The following ARHGAP6 variants were observed in gnomAD, a reference collection of about 807,000 sequenced individuals.
The protein encoded by ARHGAP6 is Rho GTPase activating protein 6.
ARHGAP6 carries 16 observed loss-of-function variants against 55.7 expected under a neutral mutation model. The ratio of observed to expected loss-of-function variants is 0.29; its 90% CI spans 0.19 to 0.44. The LOEUF is 0.44. Ranked by LOEUF, ARHGAP6 falls within the 20% of genes least tolerant of loss-of-function variation. The pLI, the probability that ARHGAP6 is intolerant of heterozygous loss-of-function variation, is 1.00. For synonymous variants in ARHGAP6, 382 were observed against 360.9 expected, an observed-to-expected ratio of 1.06 and a Z score of -0.66; for missense variants, 698 against 808.9, an observed-to-expected ratio of 0.86 and a Z score of 1.66.
chrX:11,578,065 G>T (rs981960754), intron 1 of ARHGAP6, among the ~76,000 whole-genome samples: 2 of 111,437 alleles, frequency 1.8e-5, no homozygotes, highest in African/African-American at 6.5e-5. Flanking sequence ...GAAGGAAAGG[G>T]GAAGAAAGGA....
At chrX:11,361,696 C>A (rs1479551236) in intron 1 of ARHGAP6, among the ~76,000 whole-genome samples, 3 of 111,201 alleles carry the variant, frequency 2.7e-5, no homozygotes, top group African/African-American at 6.5e-5. Flanking sequence ...GCAAAAGAAA[C>A]TACCATCAGA....
chrX:11,557,884 T>C (rs747989881), intron 1 of ARHGAP6, among the ~76,000 whole-genome samples: 1 of 112,277 alleles, frequency 8.9e-6, no homozygotes, highest in Non-Finnish European at 1.9e-5. Flanking sequence ...TGCAGGCTAA[T>C]GTGGCCTCCA....
In ARHGAP6 at chrX:11,282,871, A is replaced by G. The variant is rs182413987; in HGVS notation, c.589-28164T>C. Among the ~76,000 whole-genome samples the G allele has an allele frequency of 2.2e-3, 248 of 112,473 alleles. 4 individuals are homozygous for G. The highest frequency in any genetic ancestry group is 3.8e-3 in the Admixed American group (40 of 10,654). ...AAATTGATGTTATAAATGAAGCCAG[A>G]GGCGACACTTCAGTAAGCATTATGT... On this transcript the variant is annotated intron_variant, in intron 1 of 12. Transcript: ENST00000337414.
intron 1 of ARHGAP6, among the ~76,000 whole-genome samples, chrX:11,422,978 G>T (rs895951607): frequency 2.7e-5 from 3 of 112,041 alleles, no homozygotes; most frequent in Non-Finnish European, 3.8e-5. Context: ...TGCCAGGTTG[G>T]GGGTGGGAGT....
intron 1 of ARHGAP6, among the ~76,000 whole-genome samples, chrX:11,398,650 T>C (rs2049510714): frequency 8.9e-6 from 1 of 111,987 alleles, no homozygotes; most frequent in African/African-American, 3.2e-5. Flanking sequence ...TTAAGCACAA[T>C]ATGTTTTAAT....
At chrX:11,363,355 C>T (rs1045471459) in intron 1 of ARHGAP6, among the ~76,000 whole-genome samples, 7 of 112,293 alleles carry the variant, frequency 6.2e-5, no homozygotes, top group African/African-American at 2.3e-4. Flanking sequence ...TCCCAGTTTG[C>T]GTGACTCCCC....
chrX:11,302,900 A>G (rs1360129682), intron 1 of ARHGAP6, among the ~76,000 whole-genome samples: 4 of 111,904 alleles, frequency 3.6e-5, no homozygotes, highest in Non-Finnish European at 5.6e-5. Flanking sequence ...TCAACTCCAC[A>G]CAAAATAAAA....
At chrX:11,469,453 A>C (rs1018753223) in intron 1 of ARHGAP6, among the ~76,000 whole-genome samples, 6 of 112,492 alleles carry the variant, frequency 5.3e-5, no homozygotes, top group African/African-American at 1.9e-4. Context: ...AAATGTGTGC[A>C]TACCTACATA....
intron 4 of ARHGAP6, among the ~76,000 whole-genome samples, chrX:11,186,646 GGC>G (rs1261885998): frequency 8.9e-6 from 1 of 111,955 alleles, no homozygotes; most frequent in Non-Finnish European, 1.9e-5. Flanking sequence ...TCAAGCTAAT[GGC>G]AGTTACAATT....
chrX:11,376,007 G>T (rs1202969968), intron 1 of ARHGAP6, among the ~76,000 whole-genome samples: 5 of 111,763 alleles, frequency 4.5e-5, no homozygotes, highest in African/African-American at 1.3e-4. Context: ...AGGGAAAAAA[G>T]AAATGTGTAG....
At chrX:11,236,317 G>A (rs1157148587) in intron 2 of ARHGAP6, among the ~76,000 whole-genome samples, 3 of 111,482 alleles carry the variant, frequency 2.7e-5, no homozygotes, top group African/African-American at 9.8e-5. Context: ...TACGAGAACA[G>A]CATGGGGGTA....
intron 1 of ARHGAP6, among the ~76,000 whole-genome samples, chrX:11,525,069 A>G (rs1488413030): frequency 9.0e-6 from 1 of 111,720 alleles, no homozygotes; most frequent in Non-Finnish European, 1.9e-5. Context: ...TTTCACTCAT[A>G]TGTCCATCAC....
chrX:11,439,628 A>G (rs2050021559), intron 1 of ARHGAP6, among the ~76,000 whole-genome samples: 1 of 112,554 alleles, frequency 8.9e-6, no homozygotes, highest in African/African-American at 3.2e-5. Flanking sequence ...ATTCATCTCT[A>G]TTAACATAGT....
chrX:11,524,816 C>T (rs953431509), intron 1 of ARHGAP6, among the ~76,000 whole-genome samples: 2 of 110,989 alleles, frequency 1.8e-5, no homozygotes, highest in African/African-American at 6.6e-5. Flanking sequence ...TACAACTCAC[C>T]GTAATGTAGA....
chrX:11,192,188 G>T (rs768415034), intron 3 of ARHGAP6, among the ~76,000 whole-genome samples: 1 of 112,080 alleles, frequency 8.9e-6, no homozygotes, highest in Admixed American at 9.4e-5. Flanking sequence ...CCAAAAGTTT[G>T]CCTGTTCTTC....
At chrX:11,577,293 G>T (rs1189857342) in intron 1 of ARHGAP6, among the ~76,000 whole-genome samples, 2 of 112,209 alleles carry the variant, frequency 1.8e-5, no homozygotes, top group Non-Finnish European at 3.8e-5. Context: ...GAAAGAGAAA[G>T]AAGTCAATAA....
At chrX:11,659,759 G>T (rs537715506) in intron 1 of ARHGAP6, among the ~76,000 whole-genome samples, 4 of 111,189 alleles carry the variant, frequency 3.6e-5, no homozygotes, top group African/African-American at 9.8e-5. Context: ...TGAAGGAAGG[G>T]GGCCACTGGA....
At chrX:11,516,961 T>C (rs1413541669) in intron 1 of ARHGAP6, among the ~76,000 whole-genome samples, 1 of 111,672 alleles carries the variant, frequency 9.0e-6, no homozygotes, top group Non-Finnish European at 1.9e-5. Context: ...CTACTGTTTC[T>C]TGGAAAATAA....
At chrX:11,645,885 A>G (rs2052521453) in intron 1 of ARHGAP6, among the ~76,000 whole-genome samples, 1 of 112,123 alleles carries the variant, frequency 8.9e-6, no homozygotes, top group African/African-American at 3.2e-5. Flanking sequence ...GATGTTGTTA[A>G]TTATTATTAA....
Sources: allele counts gnomAD v4.1 joint callset (sites outside exome capture counted in the v4.1 genomes callset), GRCh38; gene constraint gnomAD v4.1.1; transcripts MANE v1.5; gene names NCBI Gene and HGNC (gene_info 2026-07-23, HGNC 2026-07-21).